Variants in ARMC2 observed in about 807,000 individuals in gnomAD.
ARMC2 encodes armadillo repeat containing 2.
A neutral mutation model predicts 90.3 loss-of-function variants in ARMC2; 67 were observed. The ratio of observed to expected loss-of-function variants is 0.74; its 90% CI spans 0.61 to 0.91. The LOEUF (loss-of-function observed/expected upper bound fraction) is 0.91. ARMC2 is among the 40% of genes least tolerant of loss of function. The pLI is 0.00. For missense variants in ARMC2, 920 were observed against 1,030.9 expected (o/e 0.89, Z 1.47); for synonymous variants, 393 against 393.0 (o/e 1.00, Z 0.00).
chr6:108,923,463 A>C (rs1774790364), intron 10 of ARMC2, among the ~76,000 whole-genome samples: 1 of 151,330 alleles, frequency 6.6e-6, no homozygotes, highest in South Asian at 2.1e-4. Flanking sequence ...TCACAGATTT[A>C]TCTCTGTTCA....
the ARMC2 span, among the ~76,000 whole-genome samples, chr6:109,047,347 G>C: frequency 6.4e-5 from 8 of 124,386 alleles, no homozygotes; most frequent in Non-Finnish European, 1.1e-4. Context: ...GGGAGGTGGG[G>C]GGGTCAGCCC....
At chr6:108,994,026 G>A in the ARMC2 span, among the ~76,000 whole-genome samples, 4 of 151,388 alleles carry the variant, frequency 2.6e-5, no homozygotes, top group Non-Finnish European at 5.9e-5. Context: ...TGTAGTCCTA[G>A]CTACTCAGGA....
rs1778922150 is a variant in ARMC2 at position 108,973,970 on chromosome 6, G to T, written c.*456G>T. 1 of 152,290 alleles carries T rather than the reference G, an allele frequency of 6.6e-6. No individual in the cohort carries two copies. Among genetic ancestry groups the T allele is most frequent in the East Asian group, 1.9e-4 (1 of 5,206 alleles). The allele number at this position is 152,290 out of a possible 1,614,324, so 9.4% of individuals were successfully genotyped here. A position where few individuals can be genotyped will look rare whatever the true frequency, so the allele number is the denominator to read the frequency against. Reference sequence around the variant, plus strand: ...ATTCTTACTATGTCAAATAATAAATGCTCTCATTAGGTACCAGTATTTTTT... The same window carrying T: ...ATTCTTACTATGTCAAATAATAAATTCTCTCATTAGGTACCAGTATTTTTT... On this transcript the variant is annotated 3_prime_UTR_variant, in exon 18 of 18. Coordinates refer to ENST00000392644, the MANE Select transcript of ARMC2 (RefSeq NM_032131.6).
At chr6:109,033,135 G>A in the ARMC2 span, among the ~76,000 whole-genome samples, 1 of 152,118 alleles carries the variant, frequency 6.6e-6, no homozygotes, top group Non-Finnish European at 1.5e-5. Flanking sequence ...GTGTTGAGGT[G>A]TGATTTTAGA....
At chr6:109,002,203 G>T in the ARMC2 span, 1 of 1,301,022 alleles carries the variant, frequency 7.7e-7, no homozygotes, top group Non-Finnish European at 1.1e-6. Context: ...CAGTTCTTCA[G>T]ATGCCAACAT....
chr6:108,867,462 G>A (rs979619499), intron 3 of ARMC2, among the ~76,000 whole-genome samples: 7 of 152,150 alleles, frequency 4.6e-5, no homozygotes, highest in Admixed American at 2.0e-4. Flanking sequence ...GAATTTCTGA[G>A]ATGTAAAAAA....
the ARMC2 span, among the ~76,000 whole-genome samples, chr6:109,038,760 G>A: frequency 0.1 from 15,207 of 152,156 alleles, 926 homozygotes; most frequent in Middle Eastern, 0.19. Context: ...CATAAGTTAA[G>A]TGTATGAATG....
rs115876211 is a variant in ARMC2, at chr6:108,884,572, T to G, written c.671+8222T>G. 5.1e-4 allele frequency among the ~76,000 whole-genome samples: 78 copies of G among 152,256 alleles called. 1 individual carries two copies. The highest frequency in any genetic ancestry group is 1.9e-3 in the African/African-American group (77 of 41,550). On this transcript the variant is annotated intron_variant, in intron 5 of 17. Transcript: ENST00000392644. ...TTTTCGTGAGGGATGGAGCACTGTG[T>G]TCTTGGCTAAAGGAGGAGCATAAGC...
chr6:108,889,566 A>G (rs942921362), intron 5 of ARMC2, among the ~76,000 whole-genome samples: 10 of 151,770 alleles, frequency 6.6e-5, no homozygotes, highest in Non-Finnish European at 1.0e-4. Flanking sequence ...TCAGCCTCCA[A>G]AGTGGCCGGG....
downstream of ARMC2, among the ~76,000 whole-genome samples, chr6:108,975,413 C>A (rs1778965398): frequency 6.6e-6 from 1 of 152,170 alleles, no homozygotes; most frequent in Non-Finnish European, 1.5e-5. Flanking sequence ...CATTGATGGG[C>A]ATTTGGGTTG....
At position 108,961,714 on chromosome 6, in the gene ARMC2, T is replaced by G; in HGVS notation, c.2038+20T>G. 1 of 1,574,504 alleles carries G rather than the reference T, an allele frequency of 6.4e-7. No individual in the cohort carries two copies. Among genetic ancestry groups the G allele is most frequent in the Non-Finnish European group, 8.6e-7 (1 of 1,162,914 alleles). Reference sequence around the variant, plus strand: ...CTGAATGTAAGGTTCAGAGTTGGATTTGGATAAATGAGTGCTCATTTGAAG... The same window carrying G: ...CTGAATGTAAGGTTCAGAGTTGGATGTGGATAAATGAGTGCTCATTTGAAG... On this transcript the variant is annotated intron_variant, in intron 14 of 17. Transcript: ENST00000392644.
chr6:109,002,863 A>T, the ARMC2 span, among the ~76,000 whole-genome samples: 1 of 152,250 alleles, frequency 6.6e-6, no homozygotes, highest in Admixed American at 6.5e-5. Flanking sequence ...ACAGCACTAC[A>T]GGGCATGTTT....
intron 13 of ARMC2, among the ~76,000 whole-genome samples, chr6:108,957,670 A>T (rs12195728): frequency 1.4e-4 from 21 of 152,008 alleles, no homozygotes; most frequent in Non-Finnish European, 2.2e-4. Flanking sequence ...ACAAGGAGTT[A>T]CTTGTACCCC....
At chr6:108,954,952 C>T (rs890091542) in intron 13 of ARMC2, among the ~76,000 whole-genome samples, 1 of 152,206 alleles carries the variant, frequency 6.6e-6, no homozygotes, top group Non-Finnish European at 1.5e-5. Flanking sequence ...GGGTCTGGTG[C>T]AGGCTCCCCT....
At chr6:108,897,518 G>C (rs1771717142) in intron 6 of ARMC2, among the ~76,000 whole-genome samples, 1 of 151,972 alleles carries the variant, frequency 6.6e-6, no homozygotes, top group African/African-American at 2.4e-5. Context: ...ATTTACTTTT[G>C]CTGCTTAGGT....
the ARMC2 span, among the ~76,000 whole-genome samples, chr6:108,987,806 C>CTTTTTTTTT: frequency 8.9e-5 from 12 of 135,584 alleles, no homozygotes; most frequent in African/African-American, 2.0e-4. Flanking sequence ...CAGCAGCTAT[C>CTTTTTTTTT]TTTTTTTTTT....
intron 8 of ARMC2, among the ~76,000 whole-genome samples, chr6:108,906,053 G>T (rs1040897566): frequency 2.0e-5 from 3 of 152,108 alleles, no homozygotes; most frequent in African/African-American, 7.2e-5. Context: ...AGCTATATGG[G>T]ACTAAGAAGT....
At chr6:108,854,511 C>T (rs1369774292) in intron 2 of ARMC2, 26 bp downstream of exon 2, 1 of 1,595,246 alleles carries the variant, frequency 6.3e-7, no homozygotes, top group South Asian at 1.1e-5. Flanking sequence ...CATTCATGTT[C>T]ATTCAGATAT....
chr6:108,954,996 T>A (rs1010167944), intron 13 of ARMC2, among the ~76,000 whole-genome samples: 2 of 152,106 alleles, frequency 1.3e-5, no homozygotes, highest in African/African-American at 4.8e-5. Context: ...TCTCACTGGG[T>A]CCTCATGTGC....
Sources: gnomAD v4.1 joint callset for allele counts (sites outside exome capture counted in the v4.1 genomes callset) on GRCh38, gnomAD v4.1.1 for gene constraint, MANE v1.5 for transcripts, NCBI Gene and HGNC (gene_info 2026-07-23, HGNC 2026-07-21) for gene names.